Variants in CSNK1G1 observed in about 807,000 individuals in gnomAD.
CSNK1G1 encodes casein kinase 1 gamma 1.
A neutral mutation model predicts 59.6 loss-of-function variants in CSNK1G1; 22 were observed. The observed-to-expected ratio is 0.37, with a 90% CI of 0.26 to 0.53. The LOEUF is 0.53. CSNK1G1 is among the 20% of genes least tolerant of loss of function. The pLI is 0.89. For missense variants in CSNK1G1, 384 were observed against 519.5 expected, an observed-to-expected ratio of 0.74 and a Z score of 2.54; for synonymous variants, 179 against 177.1, an observed-to-expected ratio of 1.01 and a Z score of -0.08.
intron 1 of CSNK1G1, among the ~76,000 whole-genome samples, chr15:64,346,873 A>G (rs948989401): frequency 1.3e-5 from 2 of 152,196 alleles, no homozygotes; most frequent in Non-Finnish European, 2.9e-5. Context: ...GAATAAAAAG[A>G]CAAGCCATAG....
At position 64,300,467 on chromosome 15, in the gene CSNK1G1, T is replaced by C; in HGVS notation, c.33A>G (p.Arg11=). 1 of 1,614,210 alleles carries C rather than the reference T, an allele frequency of 6.2e-7. No individual in the cohort carries two copies. The highest frequency in any genetic ancestry group is 8.5e-7 in the Non-Finnish European group (1 of 1,180,032). Residue 11 remains arginine (R), a synonymous_variant, in exon 2 of 12, where the codon AGA becomes AGG. Transcript: ENST00000303052. ...GTGCCATGGGTTTAGTTGTCCGTTG[T>C]CTTTCATCCTTTTCCCTACTAGGAT... MDHPSREKDE[R]QRTTKPMAQR...
intron 2 of CSNK1G1, 81 bp from the exon 3 acceptor site, chr15:64,259,322 T>G (rs1892561976): frequency 2.1e-5 from 20 of 963,878 alleles, no homozygotes; most frequent in South Asian, 1.7e-4. Context: ...TACAGGGTCA[T>G]GAGAAAGGTT....
At chr15:64,349,526 T>C (rs981685396) in intron 1 of CSNK1G1, among the ~76,000 whole-genome samples, 4 of 152,134 alleles carry the variant, frequency 2.6e-5, no homozygotes, top group African/African-American at 7.2e-5. Flanking sequence ...AGCTTCTGGG[T>C]GAGGGACAGA....
intron 6 of CSNK1G1, among the ~76,000 whole-genome samples, chr15:64,213,674 T>C (rs1220484419): frequency 6.6e-6 from 1 of 152,196 alleles, no homozygotes; most frequent in African/African-American, 2.4e-5. Context: ...AACTAAACAT[T>C]TGGAAACAGT....
chr15:64,284,151 T>A (rs990464771), intron 2 of CSNK1G1, among the ~76,000 whole-genome samples: 1 of 152,218 alleles, frequency 6.6e-6, no homozygotes, highest in Admixed American at 6.5e-5. Flanking sequence ...GACTAGAGAT[T>A]CATGGGTAGG....
rs145628672 is a variant in CSNK1G1, at chr15:64,204,279, A to G, written c.999+162T>C. 2.0e-5 allele frequency among the ~76,000 whole-genome samples: 3 copies of G among 151,980 alleles called. No homozygotes were observed. The East Asian group carries it at 5.8e-4, about 30-fold the overall frequency. ...ACTTCTGAACTAGTAAGAGCAACCT[A>G]TGGCAACACCCAGACAAGGCTAGTA... is the stretch of plus-strand genomic sequence containing the variant. On this transcript the variant is annotated intron_variant, in intron 9 of 11. Coordinates refer to ENST00000303052, the MANE Select transcript of CSNK1G1 (RefSeq NM_022048.5).
intron 1 of CSNK1G1, among the ~76,000 whole-genome samples, chr15:64,305,772 C>CAAAA (rs55865359): frequency 7.4e-6 from 1 of 134,298 alleles, no homozygotes; most frequent in Non-Finnish European, 1.6e-5. Flanking sequence ...TGTGATATTG[C>CAAAA]AAAAAAAAAA....
chr15:64,316,634 C>A (rs1250413095), intron 1 of CSNK1G1, among the ~76,000 whole-genome samples: 1 of 151,706 alleles, frequency 6.6e-6, no homozygotes, highest in Admixed American at 6.6e-5. Context: ...TGCCCAATTT[C>A]TGCCTCCAAA....
chr15:64,325,095 T>G (rs1896775355), intron 1 of CSNK1G1, among the ~76,000 whole-genome samples: 2 of 152,212 alleles, frequency 1.3e-5, no homozygotes, highest in Non-Finnish European at 2.9e-5. Context: ...TAAAGAATTC[T>G]TTTGTTGTTT....
rs1731744953 is a variant in CSNK1G1, at chr15:64,188,627, C to T, written c.1108-8173G>A. 2 of 649,308 alleles carry T rather than the reference C, an allele frequency of 3.1e-6. No homozygotes were observed. The highest frequency in any genetic ancestry group is 3.6e-5 in the African/African-American group (2 of 54,928). The allele number at this position is 649,308 out of a possible 1,614,324, so 40.2% of individuals were successfully genotyped here. On this transcript the variant is annotated intron_variant, in intron 10 of 11. Transcript: ENST00000303052. This position sits in a 1 kb window ranked among gnomAD's most constrained non-coding sequence, Gnocchi z 4.2. ...TTTTAAACTAACAACCACTGGAAAG[C>T]AGTGAGGAAAAGTAAGCTTGTCTAC...
chr15:64,320,402 G>C (rs1482492904), intron 1 of CSNK1G1, among the ~76,000 whole-genome samples: 1 of 152,026 alleles, frequency 6.6e-6, no homozygotes, highest in South Asian at 2.1e-4. Flanking sequence ...TATGGGGCCG[G>C]GCACAGTGGC....
intron 3 of CSNK1G1, among the ~76,000 whole-genome samples, chr15:64,258,877 T>C (rs1892538250): frequency 6.6e-6 from 1 of 152,134 alleles, no homozygotes; most frequent in East Asian, 1.9e-4. Context: ...AGTAAAATTT[T>C]TGAATGATTT....
chr15:64,223,607 G>A (rs2082419373), intron 4 of CSNK1G1, among the ~76,000 whole-genome samples: 1 of 152,132 alleles, frequency 6.6e-6, no homozygotes, highest in African/African-American at 2.4e-5. Context: ...AACTAAAGAA[G>A]TGACTACTGA....
intron 1 of CSNK1G1, among the ~76,000 whole-genome samples, chr15:64,352,350 G>C (rs1898341774): frequency 6.7e-6 from 1 of 150,240 alleles, no homozygotes; most frequent in African/African-American, 2.4e-5. Flanking sequence ...AGAAAGCTTA[G>C]ATATATACAG....
At chr15:64,307,029 A>G (rs1025926023) in intron 1 of CSNK1G1, among the ~76,000 whole-genome samples, 3 of 152,146 alleles carry the variant, frequency 2.0e-5, no homozygotes, top group Non-Finnish European at 4.4e-5. Context: ...TTAGAGCAGG[A>G]AAACTATTCT....
chr15:64,197,653 A>T (rs971496026), intron 10 of CSNK1G1, among the ~76,000 whole-genome samples: 3 of 152,136 alleles, frequency 2.0e-5, no homozygotes, highest in African/African-American at 7.2e-5. Context: ...CTACATCTCA[A>T]GGGAATTCAC....
intron 1 of CSNK1G1, among the ~76,000 whole-genome samples, chr15:64,327,765 GA>G (rs908748794): frequency 1.5e-5 from 2 of 132,536 alleles, no homozygotes; most frequent in African/African-American, 5.8e-5. Context: ...CAAAGAAGTT[GA>G]AAACTTTGAA....
At chr15:64,324,728 T>C (rs1281423551) in intron 1 of CSNK1G1, among the ~76,000 whole-genome samples, 1 of 152,246 alleles carries the variant, frequency 6.6e-6, no homozygotes, top group Admixed American at 6.5e-5. Context: ...ACATATATTC[T>C]ATTAGTTCTG....
intron 10 of CSNK1G1, among the ~76,000 whole-genome samples, chr15:64,189,693 G>A (rs1225362735): frequency 6.6e-6 from 1 of 151,998 alleles, no homozygotes; most frequent in Non-Finnish European, 1.5e-5. Context: ...ATGGTTTGAG[G>A]GTCTATATTC....
Sources: allele counts gnomAD v4.1 joint callset (sites outside exome capture counted in the v4.1 genomes callset), GRCh38; gene constraint gnomAD v4.1.1; non-coding constraint Gnocchi (gnomAD v3.1); transcripts MANE v1.5; gene names NCBI Gene and HGNC (gene_info 2026-07-23, HGNC 2026-07-21).